LAMA2: variants seen among roughly 807,000 people sequenced by gnomAD.
LAMA2 encodes laminin subunit alpha-2.
In LAMA2, 269 loss-of-function variants were observed where a neutral mutation model predicts 364.8. That is an observed-to-expected ratio of 0.74 (90% CI 0.67 to 0.82). The LOEUF is 0.82. Ranked by LOEUF, LAMA2 falls within the 40% of genes least tolerant of loss-of-function variation. LAMA2 has a pLI of 0.00. For synonymous variants in LAMA2, 1,379 were observed against 1,370.6 expected (o/e 1.01, Z -0.14); for missense variants, 3,807 against 3,873.2 (o/e 0.98, Z 0.45).
chr6:128,961,317 T>TTATA (rs1781475527), intron 1 of LAMA2, among the ~76,000 whole-genome samples: 3 of 43,358 alleles, frequency 6.9e-5, no homozygotes, highest in Admixed American at 6.0e-4. Flanking sequence ...AGAACTAATA[T>TTATA]GATATATATA....
At chr6:129,322,447 G>A (rs1222677389) in intron 28 of LAMA2, among the ~76,000 whole-genome samples, 7 of 152,164 alleles carry the variant, frequency 4.6e-5, no homozygotes, top group African/African-American at 1.7e-4. Flanking sequence ...GATTTTTCTA[G>A]ACAAGAGATG....
intron 1 of LAMA2, among the ~76,000 whole-genome samples, chr6:129,040,480 T>A (rs182337503): frequency 1.4e-3 from 208 of 151,944 alleles, no homozygotes; most frequent in Non-Finnish European, 2.5e-3. Flanking sequence ...AAAATAGAAA[T>A]TAGCTGTATG....
intron 3 of LAMA2, among the ~76,000 whole-genome samples, chr6:129,061,445 A>G (rs1788907486): frequency 6.6e-6 from 1 of 152,208 alleles, no homozygotes; most frequent in Non-Finnish European, 1.5e-5. Context: ...GTTATCAAAC[A>G]TGGCAGCATT....
At chr6:129,453,168 A>ATG (rs759386336) in intron 46 of LAMA2, 37 bp downstream of exon 46, 22 of 1,579,566 alleles carry the variant, frequency 1.4e-5, no homozygotes, top group Non-Finnish European at 1.9e-5. Flanking sequence ...AGGCTGCTGT[A>ATG]TGTGTATAGC....
chr6:129,028,110 A>G (rs1785962183), intron 1 of LAMA2, among the ~76,000 whole-genome samples: 1 of 151,948 alleles, frequency 6.6e-6, no homozygotes, highest in African/African-American at 2.4e-5. Context: ...TTTAAAACAT[A>G]TTTTGAAAAA....
At position 128,971,878 on chromosome 6, in the gene LAMA2, G is replaced by A. The variant is rs1010427983; in HGVS notation, c.113-78040G>A. 5.9e-5 allele frequency among the ~76,000 whole-genome samples: 9 copies of A among 152,284 alleles called. No individual in the cohort carries two copies. In the East Asian group the frequency reaches 1.7e-3, roughly 30 times the overall value. On this transcript the variant is annotated intron_variant, in intron 1 of 64. Coordinates refer to ENST00000421865, the MANE Select transcript of LAMA2 (RefSeq NM_000426.4). ...GGGGGAAGTGCAAGTGATGTATCTT[G>A]CTGGAAGTCTCAGGGTCAGGAGGCT...
At chr6:128,930,548 C>T (rs921245856) in intron 1 of LAMA2, among the ~76,000 whole-genome samples, 3 of 151,974 alleles carry the variant, frequency 2.0e-5, no homozygotes, top group African/African-American at 7.3e-5. Flanking sequence ...TCAGTTCCCC[C>T]CACCCTTCAC....
chr6:128,910,167 A>T (rs1447680355), intron 1 of LAMA2, among the ~76,000 whole-genome samples: 1 of 152,018 alleles, frequency 6.6e-6, no homozygotes, highest in Non-Finnish European at 1.5e-5. Flanking sequence ...GTATTTCCTG[A>T]ATCTGAACGT....
At chr6:128,991,915 A>G (rs1783635046) in intron 1 of LAMA2, among the ~76,000 whole-genome samples, 1 of 152,218 alleles carries the variant, frequency 6.6e-6, no homozygotes, top group African/African-American at 2.4e-5. Flanking sequence ...TTATGTCTAC[A>G]TTATTTTAAA....
intron 12 of LAMA2, among the ~76,000 whole-genome samples, chr6:129,195,863 C>T (rs1378747239): frequency 2.0e-5 from 3 of 152,168 alleles, no homozygotes; most frequent in Admixed American, 2.0e-4. Context: ...ATTTACTGCC[C>T]TAGTAAACTA....
At chr6:129,492,545 G>A in intron 58 of LAMA2, 62 bp downstream of exon 58, 1 of 1,444,714 alleles carries the variant, frequency 6.9e-7, no homozygotes, top group Non-Finnish European at 9.7e-7. Flanking sequence ...AGTCATTTCA[G>A]AAGGAAGATT....
intron 10 of LAMA2, among the ~76,000 whole-genome samples, chr6:129,179,443 C>T (rs993035142): frequency 3.9e-5 from 6 of 152,116 alleles, no homozygotes; most frequent in East Asian, 3.9e-4. Flanking sequence ...GAGTAATAAG[C>T]GAGTTAATTT....
intron 60 of LAMA2, 108 bp downstream of exon 60, chr6:129,503,388 C>A: frequency 1.0e-6 from 1 of 1,000,656 alleles, no homozygotes; most frequent in Non-Finnish European, 1.5e-6. Context: ...CTGACTCTGG[C>A]AGAAGCTAAA....
chr6:129,328,329 C>G lies in LAMA2; in HGVS notation c.4228C>G (p.Pro1410Ala), dbSNP rs747963781. The G allele has an allele frequency of 6.2e-7, 1 of 1,614,172 alleles. No homozygotes were observed. The highest frequency in any genetic ancestry group is 8.5e-7 in the Non-Finnish European group (1 of 1,180,032). ...GCGTTCTCAACCAGGTGGCCGCACC[C>G]CTGGACCAACCCTGGGCACCTGTGT... ...RLRSQPGGRT[P>A]GPTLGTCVPC... Residue 1410 changes from proline to alanine, a missense_variant, in exon 29 of 65, where the codon CCT (proline) becomes GCT (alanine). Around this residue, in one of 3 missense-constraint regions of LAMA2, gnomAD observed 3,333 missense variants for 3,345.7 expected, o/e 1.00. Transcript: ENST00000421865.
intron 1 of LAMA2, among the ~76,000 whole-genome samples, chr6:128,998,093 T>A (rs955611702): frequency 1.1e-4 from 17 of 151,812 alleles, no homozygotes; most frequent in African/African-American, 3.6e-4. Flanking sequence ...TGGGAGTGGG[T>A]GCCTGATGCG....
chr6:129,314,200 A>G (rs1040166124), intron 23 of LAMA2, among the ~76,000 whole-genome samples: 1 of 152,168 alleles, frequency 6.6e-6, no homozygotes, highest in African/African-American at 2.4e-5. Context: ...GGAGATCGAG[A>G]CAATCCTGGC....
chr6:129,134,046 A>G (rs1777648599), intron 4 of LAMA2, among the ~76,000 whole-genome samples: 1 of 152,154 alleles, frequency 6.6e-6, no homozygotes, highest in Non-Finnish European at 1.5e-5. Context: ...TTTTATTTTT[A>G]TTTTAAACAA....
At chr6:129,417,980 G>C (rs113909298) in intron 40 of LAMA2, among the ~76,000 whole-genome samples, 1 of 152,096 alleles carries the variant, frequency 6.6e-6, no homozygotes, top group Admixed American at 6.5e-5. Flanking sequence ...CTGGGTGGCT[G>C]CAGCTGCACC....
At chr6:128,949,463 A>G (rs1780676271) in intron 1 of LAMA2, among the ~76,000 whole-genome samples, 1 of 152,026 alleles carries the variant, frequency 6.6e-6, no homozygotes, top group Non-Finnish European at 1.5e-5. Context: ...CTTAAGGGGG[A>G]AAAAAAGAAA....
Sources: gnomAD v4.1 joint callset for allele counts (sites outside exome capture counted in the v4.1 genomes callset) on GRCh38, gnomAD v4.1.1 for gene constraint, gnomAD v4.1.1 regional missense constraint, MANE v1.5 for transcripts, NCBI Gene and HGNC (gene_info 2026-07-23, HGNC 2026-07-21) for gene names.